ANKRD6: variants seen among roughly 807,000 people sequenced by gnomAD.
ANKRD6 encodes the protein ankyrin repeat domain 6.
A neutral mutation model predicts 82.3 loss-of-function variants in ANKRD6; 56 were observed. That is an observed-to-expected ratio of 0.68 (90% CI 0.55 to 0.85). The LOEUF (loss-of-function observed/expected upper bound fraction) is 0.85, where lower values mean the gene tolerates loss of function less well. ANKRD6 is among the 40% of genes least tolerant of loss of function. ANKRD6 has a pLI of 0.00. For synonymous variants in ANKRD6, 347 were observed against 352.1 expected (o/e 0.99, Z 0.16); for missense variants, 852 against 907.6 (o/e 0.94, Z 0.79).
chr6:89,534,538 G>A (rs1487520668), intron 1 of ANKRD6, among the ~76,000 whole-genome samples: 1 of 152,090 alleles, frequency 6.6e-6, no homozygotes, highest in Non-Finnish European at 1.5e-5. Flanking sequence ...TGTGGATAGG[G>A]TGATCATTTA....
At position 89,613,882 on chromosome 6, in the gene ANKRD6, A is replaced by C; in HGVS notation, c.607A>C (p.Lys203Gln). The C allele has an allele frequency of 6.2e-7, 1 of 1,613,902 alleles. No individual in the cohort carries two copies. The highest frequency in any genetic ancestry group is 8.5e-7 in the Non-Finnish European group (1 of 1,179,844). Residue 203 changes from lysine (K) to glutamine (Q), a missense_variant, in exon 7 of 16, where the codon AAG becomes CAG. Lys to Gln is a moderately conservative substitution (Grantham distance 53). Transcript: ENST00000339746. Reference protein sequence around the residue: ...LLTAFCSVHEKNQAGDTALHV... With the variant: ...LLTAFCSVHEQNQAGDTALHV... ...CACTGCTTTCTGTTCTGTCCATGAA[A>C]AGAACCAGGTCAGTGCATGTATTCT...
At chr6:89,563,281 C>T (rs1787761446) in intron 1 of ANKRD6, among the ~76,000 whole-genome samples, 1 of 152,232 alleles carries the variant, frequency 6.6e-6, no homozygotes, top group African/African-American at 2.4e-5. Context: ...TACAGAGCAA[C>T]AAAAATGGGG....
chr6:89,559,014 C>A, intron 1 of ANKRD6, among the ~76,000 whole-genome samples: 1 of 152,104 alleles, frequency 6.6e-6, no homozygotes, highest in East Asian at 1.9e-4. Context: ...TAGCATAAAA[C>A]CATAATTATA....
At chr6:89,623,040 G>A (rs1804161856) in intron 10 of ANKRD6, among the ~76,000 whole-genome samples, 1 of 147,786 alleles carries the variant, frequency 6.8e-6, no homozygotes, top group African/African-American at 2.5e-5. Flanking sequence ...GCGGGAGGGG[G>A]GCTGCATCCG....
At chr6:89,440,741 A>G (rs1367336704) in intron 1 of ANKRD6, among the ~76,000 whole-genome samples, 4 of 152,032 alleles carry the variant, frequency 2.6e-5, no homozygotes, top group Non-Finnish European at 5.9e-5. Context: ...GTTGCAGTGC[A>G]ATATGATCAT....
intron 3 of ANKRD6, among the ~76,000 whole-genome samples, chr6:89,597,874 T>C (rs974231984): frequency 1.3e-5 from 2 of 152,200 alleles, no homozygotes; most frequent in African/African-American, 4.8e-5. Context: ...GCCAGCAATA[T>C]GATCCATGCC....
chr6:89,496,183 C>T (rs557688493), intron 1 of ANKRD6, among the ~76,000 whole-genome samples: 1 of 151,888 alleles, frequency 6.6e-6, no homozygotes, highest in African/African-American at 2.4e-5. Flanking sequence ...ACTGCCCCCC[C>T]CCCCACCATA....
chr6:89,618,355 G>A, intron 9 of ANKRD6: 2 of 605,860 alleles, frequency 3.3e-6, no homozygotes, highest in South Asian at 3.9e-5. Context: ...GGCCATGATT[G>A]CAGAGTTTAG....
At chr6:89,439,725 G>A (rs542993574) in intron 1 of ANKRD6, among the ~76,000 whole-genome samples, 1 of 152,028 alleles carries the variant, frequency 6.6e-6, no homozygotes, top group East Asian at 1.9e-4. Flanking sequence ...CCGAGACAGG[G>A]TCTCATTCTG....
chr6:89,478,069 C>G (rs145027992), intron 1 of ANKRD6: 1 of 152,252 alleles, frequency 6.6e-6, no homozygotes, highest in Non-Finnish European at 1.5e-5. Flanking sequence ...CAGAGCTAAT[C>G]AAGCTAAAAT....
intron 1 of ANKRD6, among the ~76,000 whole-genome samples, chr6:89,502,207 T>C (rs1779344494): frequency 6.6e-6 from 1 of 152,230 alleles, no homozygotes; most frequent in Non-Finnish European, 1.5e-5. Flanking sequence ...ACACTGCCTG[T>C]TTATTTGAAA....
At chr6:89,523,643 T>C (rs1782133325) in intron 1 of ANKRD6, among the ~76,000 whole-genome samples, 1 of 152,120 alleles carries the variant, frequency 6.6e-6, no homozygotes, top group South Asian at 2.1e-4. Context: ...CAAGTACCCA[T>C]AGTGATGCTG....
chr6:89,490,230 G>A (rs1024082849), intron 1 of ANKRD6, among the ~76,000 whole-genome samples: 19 of 152,198 alleles, frequency 1.2e-4, no homozygotes, highest in African/African-American at 4.6e-4. Context: ...AATCACCTCA[G>A]TCAGTGATTT....
chr6:89,548,019 C>A (rs1785329980), intron 1 of ANKRD6, among the ~76,000 whole-genome samples: 1 of 152,154 alleles, frequency 6.6e-6, no homozygotes, highest in Non-Finnish European at 1.5e-5. Context: ...AATGCCCCAA[C>A]ACCTAAATAG....
chr6:89,571,218 A>AT (rs577423668), intron 2 of ANKRD6, among the ~76,000 whole-genome samples: 59 of 150,308 alleles, frequency 3.9e-4, no homozygotes, highest in Admixed American at 2.9e-3. Flanking sequence ...TGCCTGGCTA[A>AT]TTTTTTTTTT....
In ANKRD6 at chr6:89,631,587, A is replaced by AAT. The variant is rs1319949308; in HGVS notation, c.*588_*589dup. 1 of 152,262 alleles carries AAT rather than the reference A, an allele frequency of 6.6e-6. No homozygotes were observed. Among genetic ancestry groups the AAT allele is most frequent in the African/African-American group, 2.4e-5 (1 of 41,472 alleles). The allele number at this position is 152,262 out of a possible 1,614,324, so 9.4% of individuals were successfully genotyped here. A position where few individuals can be genotyped will look rare whatever the true frequency, so the allele number is the denominator to read the frequency against. On this transcript the variant is annotated 3_prime_UTR_variant, in exon 16 of 16. Coordinates refer to ENST00000339746, the MANE Select transcript of ANKRD6 (RefSeq NM_001242809.2). ...ATATTTTCATGATGTCACAAGATCC[A>AAT]ATATATCTTATGATAAAATTTATTG...
At chr6:89,614,430 G>A (rs959298213) in intron 7 of ANKRD6, among the ~76,000 whole-genome samples, 3 of 152,038 alleles carry the variant, frequency 2.0e-5, no homozygotes, top group Non-Finnish European at 4.4e-5. Context: ...GGATCACTTC[G>A]AGTTCAGGAG....
At chr6:89,506,663 C>G (rs1010167586) in intron 1 of ANKRD6, among the ~76,000 whole-genome samples, 15 of 152,178 alleles carry the variant, frequency 9.9e-5, no homozygotes, top group African/African-American at 2.9e-4. Flanking sequence ...CGAAGCTGGA[C>G]AAAACAAAAC....
intron 1 of ANKRD6, among the ~76,000 whole-genome samples, chr6:89,542,774 C>T (rs1250018677): frequency 6.6e-6 from 1 of 152,198 alleles, no homozygotes; most frequent in Non-Finnish European, 1.5e-5. Flanking sequence ...TATTTAAGAT[C>T]ACCAGTATAA....
Sources: allele counts gnomAD v4.1 joint callset (sites outside exome capture counted in the v4.1 genomes callset), GRCh38; gene constraint gnomAD v4.1.1; transcripts MANE v1.5; gene names NCBI Gene and HGNC (gene_info 2026-07-23, HGNC 2026-07-21).